Variants in LAMA3 observed in about 807,000 individuals in gnomAD.
LAMA3 encodes the protein laminin subunit alpha 3.
A neutral mutation model predicts 402.0 loss-of-function variants in LAMA3; 281 were observed. The ratio of observed to expected loss-of-function variants is 0.70; its 90% CI spans 0.63 to 0.77. LAMA3 has a LOEUF of 0.77. LAMA3 is among the 30% of genes least tolerant of loss of function. The probability of loss-of-function intolerance (pLI) is 0.00; values close to 1 mark genes in which losing one functional copy is unlikely to be tolerated. For synonymous variants in LAMA3, 1,431 were observed against 1,558.4 expected, an observed-to-expected ratio of 0.92 and a Z score of 1.93; for missense variants, 3,840 against 4,215.5, an observed-to-expected ratio of 0.91 and a Z score of 2.47.
rs374287898 is a variant in LAMA3, at chr18:23,833,963, G to T, written c.2959G>T (p.Val987Leu). The T allele has an allele frequency of 6.2e-7, 1 of 1,614,260 alleles. No individual in the cohort carries two copies. Among genetic ancestry groups the T allele is most frequent in the South Asian group, 1.1e-5 (1 of 91,090 alleles). ...KSSGSVLAGQ[V>L]NIYSCNYSVL... ...CTCCGGGTCTGTTCTGGCAGGCCAGGTGAACATTTACAGCTGCAACTACAG... is the reference window on the plus strand; with the variant it reads ...CTCCGGGTCTGTTCTGGCAGGCCAGTTGAACATTTACAGCTGCAACTACAG... Residue 987 changes from valine to leucine, a missense_variant, in exon 24 of 75, where the codon GTG becomes TTG. Coordinates refer to ENST00000313654, the MANE Select transcript of LAMA3 (RefSeq NM_198129.4).
intron 11 of LAMA3, among the ~76,000 whole-genome samples, chr18:23,779,155 C>T (rs879439751): frequency 1.3e-5 from 2 of 152,112 alleles, no homozygotes; most frequent in Admixed American, 1.3e-4. Flanking sequence ...TGGAGGCCCT[C>T]GTCAGCCACT....
intron 20 of LAMA3, among the ~76,000 whole-genome samples, chr18:23,822,688 C>T (rs772143394): frequency 6.6e-6 from 1 of 152,216 alleles, no homozygotes; most frequent in Admixed American, 6.5e-5. Context: ...TTCACAGTGA[C>T]GAGGGTGTCA....
At position 23,911,525 on chromosome 18, in the gene LAMA3, TG is replaced by T. The variant is rs1244235816; in HGVS notation, c.7159-1185del. On this transcript the variant is annotated intron_variant, in intron 55 of 74. Transcript: ENST00000313654. ...CGGTGGGCTTGTATTTTGTCTACTTTGTTTTTTTTATTTTTGTAGTGATTTA... is the reference window on the plus strand; with the variant it reads ...CGGTGGGCTTGTATTTTGTCTACTTTTTTTTTTTATTTTTGTAGTGATTTA... 6.6e-5 allele frequency among the ~76,000 whole-genome samples: 10 copies of T among 152,026 alleles called. No individual in the cohort carries two copies. In the East Asian group the frequency reaches 1.5e-3, roughly 23 times the overall value.
At chr18:23,771,704 T>C (rs2062202433) in intron 8 of LAMA3, among the ~76,000 whole-genome samples, 1 of 152,160 alleles carries the variant, frequency 6.6e-6, no homozygotes, top group Non-Finnish European at 1.5e-5. Context: ...AATTAGTGGA[T>C]GGATAGAGGA....
At position 23,739,007 on chromosome 18, in the gene LAMA3, G is replaced by C. The variant is rs146306401; in HGVS notation, c.448-8936G>C. Among the ~76,000 whole-genome samples the C allele has an allele frequency of 5.3e-5, 8 of 152,330 alleles. No homozygotes were observed. The East Asian group carries it at 7.7e-4, about 15-fold the overall frequency. On this transcript the variant is annotated intron_variant, in intron 2 of 74. Coordinates refer to ENST00000313654, the MANE Select transcript of LAMA3 (RefSeq NM_198129.4). ...ATCCTTGGAAGTCAAGGAAACAAAA[G>C]ACAGATACCTGCACCATGGCTTCCT...
intron 64 of LAMA3, among the ~76,000 whole-genome samples, chr18:23,930,137 A>C (rs1189299549): frequency 1.3e-5 from 2 of 152,226 alleles, no homozygotes; most frequent in African/African-American, 4.8e-5. Flanking sequence ...TCTTGTTGAA[A>C]ACTGCAGAAA....
rs1467886435 is a variant in LAMA3, at chr18:23,903,100, T to C, written c.6293T>C (p.Leu2098Pro). The C allele has an allele frequency of 6.2e-7, 1 of 1,609,200 alleles. No individual in the cohort carries two copies. ...DSSLLQTNIA[L>P]QLMEKSQKEY... ...TCTTTGTTGCAAACCAACATTGCGC[T>C]GCAGCTGATGGAGAAAAGCCAGAAG... Residue 2098 changes from leucine to proline, a missense_variant, in exon 49 of 75, where the codon CTG becomes CCG. This residue lies in a region of LAMA3 where 891 missense variants were observed against 857.5 expected (regional missense o/e 1.04). Coordinates refer to ENST00000313654, the MANE Select transcript of LAMA3 (RefSeq NM_198129.4).
chr18:23,787,879 T>A (rs1173492947), intron 12 of LAMA3, among the ~76,000 whole-genome samples: 1 of 152,178 alleles, frequency 6.6e-6, no homozygotes, highest in African/African-American at 2.4e-5. Context: ...TTGAATAACA[T>A]GTAAAAATTA....
chr18:23,920,203 G>A (rs2081782889), intron 60 of LAMA3, among the ~76,000 whole-genome samples: 1 of 152,204 alleles, frequency 6.6e-6, no homozygotes, highest in Non-Finnish European at 1.5e-5. Context: ...TGGAAGAAGA[G>A]GCAGGCTTGG....
chr18:23,785,276 T>C (rs898907028), intron 12 of LAMA3, among the ~76,000 whole-genome samples: 7 of 152,194 alleles, frequency 4.6e-5, no homozygotes, highest in Non-Finnish European at 8.8e-5. Context: ...AGAAGTGCTG[T>C]CTTTAGCTTT....
chr18:23,749,300 A>G (rs2143546520), intron 3 of LAMA3, 128 bp from the exon 4 acceptor site: 1 of 631,444 alleles, frequency 1.6e-6, no homozygotes, highest in African/African-American at 1.8e-5. Context: ...CCTTTCTCTA[A>G]AAGTTTTAAA....
At position 23,689,615 on chromosome 18, in the gene LAMA3, A is replaced by G. The variant is rs2060538767; in HGVS notation, c.-69A>G. The G allele has an allele frequency of 8.2e-7, 1 of 1,221,190 alleles. No homozygotes were observed. The allele number at this position is 1,221,190 out of a possible 1,614,324, so 75.6% of individuals were successfully genotyped here. A position where few individuals can be genotyped will look rare whatever the true frequency, so the allele number is the denominator to read the frequency against. On this transcript the variant is annotated 5_prime_UTR_variant, in exon 1 of 75. Coordinates refer to ENST00000313654, the MANE Select transcript of LAMA3 (RefSeq NM_198129.4). ...CTGGCGCTGCAGGTCCGGGAGGCGC[A>G]GGCGGAGAGCGGCGGTGCCCCCGAG...
rs563476970 is a variant in LAMA3 at position 23,930,621 on chromosome 18, G to A, written c.8437-441G>A. On this transcript the variant is annotated intron_variant, in intron 64 of 74. Coordinates refer to ENST00000313654, the MANE Select transcript of LAMA3 (RefSeq NM_198129.4). ...AACTTAGCCGGCTGTGGTGGTGTGC[G>A]CCTGTGGTCCCAGCTTCTCAGGAGG... Among the ~76,000 whole-genome samples the A allele has an allele frequency of 4.9e-4, 75 of 152,108 alleles. No individual in the cohort carries two copies. The South Asian group carries it at 8.5e-3, about 17-fold the overall frequency.
At chr18:23,917,582 T>A (rs550914877) in intron 60 of LAMA3, among the ~76,000 whole-genome samples, 2 of 152,354 alleles carry the variant, frequency 1.3e-5, no homozygotes, top group African/African-American at 4.8e-5. Context: ...TGAGATGGTA[T>A]CTCATTGTTT....
At chr18:23,888,892 A>T (rs1312714037) in intron 41 of LAMA3, among the ~76,000 whole-genome samples, 2 of 151,674 alleles carry the variant, frequency 1.3e-5, no homozygotes, top group Admixed American at 1.3e-4. Flanking sequence ...AAATATTGTA[A>T]TTGACATCCC....
rs2064812409 is a variant in LAMA3 at position 23,878,983 on chromosome 18, C to T, written c.5112+2576C>T. Among the ~76,000 whole-genome samples, 7 of 151,806 alleles carry T rather than the reference C, an allele frequency of 4.6e-5. No individual in the cohort carries two copies. The South Asian group carries it at 1.3e-3, about 27-fold the overall frequency. On this transcript the variant is annotated intron_variant, in intron 39 of 74. Transcript: ENST00000313654. ...ATTTCTCCCCATATTTTCTCCTCTC[C>T]CCCCAATTCCCCTTCCTCTCTACTA...
intron 9 of LAMA3, 128 bp from the exon 10 acceptor site, chr18:23,775,664 T>G: frequency 9.7e-7 from 1 of 1,033,768 alleles, no homozygotes; most frequent in Non-Finnish European, 1.5e-6. Flanking sequence ...GGAAATAGGC[T>G]GTGCCCTTTC....
At position 23,747,988 on chromosome 18, in the gene LAMA3, C is replaced by T. The variant is rs772317627; in HGVS notation, c.493C>T (p.Arg165Cys). Reference sequence around the variant, plus strand: ...TTTAATCAAATTTGCAAATTCTCCTCGCCCTGATCTTTGGGTCTTGGAAAG... The same window carrying T: ...TTTAATCAAATTTGCAAATTCTCCTTGCCCTGATCTTTGGGTCTTGGAAAG... Reference protein sequence around the residue: ...YILIKFANSPRPDLWVLERSV... With the variant: ...YILIKFANSPCPDLWVLERSV... Residue 165 changes from arginine to cysteine, a missense_variant, in exon 3 of 75, where the codon CGC (arginine) becomes TGC (cysteine). By Grantham distance (180) the Arg-to-Cys change is radical. This residue lies in a region of LAMA3 where 2,109 missense variants were observed against 2,376.0 expected (regional missense o/e 0.89). Transcript: ENST00000313654. 1.2e-5 allele frequency: 19 copies of T among 1,613,168 alleles called. No homozygotes were observed. In the South Asian group the frequency reaches 1.2e-4, roughly 10 times the overall value.
chr18:23,717,606 G>A (rs755181565), intron 2 of LAMA3, among the ~76,000 whole-genome samples: 5 of 125,372 alleles, frequency 4.0e-5, no homozygotes, highest in Non-Finnish European at 7.9e-5. Flanking sequence ...AAGCTGGAGT[G>A]CAGTGGCGTG....
Sources: allele counts gnomAD v4.1 joint callset (sites outside exome capture counted in the v4.1 genomes callset), GRCh38; gene constraint gnomAD v4.1.1; regional missense constraint gnomAD v4.1.1; transcripts MANE v1.5; gene names NCBI Gene and HGNC (gene_info 2026-07-23, HGNC 2026-07-21).